ILDR1: variants seen among roughly 807,000 people sequenced by gnomAD.
ILDR1 encodes immunoglobulin-like domain-containing receptor 1.
ILDR1 carries 56 observed loss-of-function variants against 62.4 expected under a neutral mutation model. The observed-to-expected ratio is 0.90, with a 90% CI of 0.72 to 1.12. The LOEUF (loss-of-function observed/expected upper bound fraction) is 1.12, where lower values mean the gene tolerates loss of function less well. Among genes scored for constraint, ILDR1 ranks in the 50% most tolerant of loss-of-function variants. ILDR1 has a pLI of 0.00. For synonymous variants in ILDR1, 284 were observed against 277.8 expected (o/e 1.02, Z -0.22); for missense variants, 736 against 710.6 (o/e 1.04, Z -0.41).
chr3:122,036,129 T>C, the ILDR1 span, among the ~76,000 whole-genome samples: 1 of 152,244 alleles, frequency 6.6e-6, no homozygotes, highest in Non-Finnish European at 1.5e-5. Context: ...ATTTTGCTTC[T>C]GCCCTAAAGA....
At chr3:122,038,896 C>A in the ILDR1 span, among the ~76,000 whole-genome samples, 4 of 152,034 alleles carry the variant, frequency 2.6e-5, no homozygotes, top group African/African-American at 7.2e-5. Context: ...AGAAAGGGAA[C>A]TTCTGATCTG....
At chr3:121,991,095 G>A (rs1482332942) in intron 7 of ILDR1, among the ~76,000 whole-genome samples, 3 of 152,136 alleles carry the variant, frequency 2.0e-5, no homozygotes, top group African/African-American at 4.8e-5. Flanking sequence ...AGCTAATCAC[G>A]AGGCTGAGGC....
At chr3:121,994,096 G>A (rs1208321890) in intron 6 of ILDR1, 86 bp downstream of exon 6, 13 of 1,507,406 alleles carry the variant, frequency 8.6e-6, no homozygotes, top group Admixed American at 3.9e-5. Context: ...GATGCCTGCC[G>A]CATCGGTCAC....
At chr3:122,011,677 T>TTCACACACACACACACACACACACACA (rs139879742) in intron 1 of ILDR1, among the ~76,000 whole-genome samples, 3 of 133,236 alleles carry the variant, frequency 2.3e-5, no homozygotes, top group African/African-American at 8.9e-5. Flanking sequence ...TCTCTCTCTT[T>TTCACACACACACACACACACACACACA]CACACACACA....
At chr3:122,012,477 C>T (rs76893952) in intron 1 of ILDR1, among the ~76,000 whole-genome samples, 2,210 of 152,288 alleles carry the variant, frequency 0.015, 59 homozygotes, top group African/African-American at 0.051. Flanking sequence ...CAATCCCTAA[C>T]AGCTGAATGG....
the ILDR1 span, among the ~76,000 whole-genome samples, chr3:122,044,350 TTCA>T: frequency 8.3e-6 from 1 of 120,888 alleles, no homozygotes; most frequent in Admixed American, 8.1e-5. Context: ...TGCATCAATG[TTCA>T]TCAAGGATAT....
the ILDR1 span, among the ~76,000 whole-genome samples, chr3:122,059,544 A>G: frequency 5.9e-5 from 9 of 152,168 alleles, no homozygotes; most frequent in East Asian, 1.7e-3. Context: ...TCAAAAAAAA[A>G]AAAAAAAGAA....
chr3:122,007,051 C>A lies in ILDR1; in HGVS notation c.169G>T (p.Val57Leu). The A allele has an allele frequency of 6.2e-7, 1 of 1,614,042 alleles. No homozygotes were observed. Among genetic ancestry groups the A allele is most frequent in the Non-Finnish European group, 8.5e-7 (1 of 1,180,032 alleles). The change falls in exon 2 of 8, where the codon GTG becomes TTG. Residue 57 changes from valine (V) to leucine (L), a missense_variant. By Grantham distance (32) the Val-to-Leu change is conservative. Coordinates refer to ENST00000344209, the MANE Select transcript of ILDR1 (RefSeq NM_001199799.2). ...YTTSAQLQDVVVTWRFKSFCK... is the reference protein window; with the variant it reads ...YTTSAQLQDVLVTWRFKSFCK... The stretch of plus-strand genomic sequence containing the variant: ...AAGGACTTGAAGCGCCATGTCACCA[C>A]CACGTCCTGGAGCTGGGCAGAGGTG...
chr3:122,017,344 C>T (rs191641776), intron 1 of ILDR1, among the ~76,000 whole-genome samples: 21 of 151,632 alleles, frequency 1.4e-4, no homozygotes, highest in African/African-American at 4.4e-4. Flanking sequence ...CCACCGTGCC[C>T]GGCCAGAGTC....
chr3:122,019,051 T>C (rs529937085), intron 1 of ILDR1, among the ~76,000 whole-genome samples: 2 of 152,232 alleles, frequency 1.3e-5, no homozygotes, highest in South Asian at 2.1e-4. Flanking sequence ...AACACCACAC[T>C]GTGATGTTAA....
chr3:122,014,432 AT>A (rs201513577), intron 1 of ILDR1, among the ~76,000 whole-genome samples: 61 of 150,954 alleles, frequency 4.0e-4, no homozygotes, highest in East Asian at 3.5e-3. Flanking sequence ...ATGCAGATCT[AT>A]TTTTTTTTAG....
chr3:122,009,324 A>ACACACACACACACAC (rs2071667601), intron 1 of ILDR1, among the ~76,000 whole-genome samples: 1 of 137,812 alleles, frequency 7.3e-6, no homozygotes, highest in African/African-American at 2.7e-5. Context: ...CTCAATTTAA[A>ACACACACACACACAC]ACACACACAC....
At chr3:122,032,502 T>C in the ILDR1 span, among the ~76,000 whole-genome samples, 1 of 152,220 alleles carries the variant, frequency 6.6e-6, no homozygotes, top group Non-Finnish European at 1.5e-5. Flanking sequence ...GTAAAATTGT[T>C]TGGTCATAGG....
rs368487925 is a variant in ILDR1 at position 121,999,565 on chromosome 3, C to T, written c.646+1743G>A. ...AAGATCACATTGAAAGCAAGATCATCTGCTCCCTCTTCCCTTGCCCTAACT... is the reference window on the plus strand; with the variant it reads ...AAGATCACATTGAAAGCAAGATCATTTGCTCCCTCTTCCCTTGCCCTAACT... On this transcript the variant is annotated intron_variant, in intron 5 of 7. Coordinates refer to ENST00000344209, the MANE Select transcript of ILDR1 (RefSeq NM_001199799.2). Among the ~76,000 whole-genome samples, 83 of 152,344 alleles carry T rather than the reference C, an allele frequency of 5.4e-4. No individual in the cohort carries two copies. In the South Asian group the frequency reaches 0.016, roughly 29 times the overall value.
chr3:122,047,716 G>T, the ILDR1 span, among the ~76,000 whole-genome samples: 1 of 152,188 alleles, frequency 6.6e-6, no homozygotes, highest in East Asian at 1.9e-4. Context: ...CTCAGAAAGG[G>T]AACTCCCTGA....
chr3:122,052,605 G>A, the ILDR1 span, among the ~76,000 whole-genome samples: 1 of 152,128 alleles, frequency 6.6e-6, no homozygotes, highest in African/African-American at 2.4e-5. Flanking sequence ...ACGGAGCGTC[G>A]CTTCTTCGCC....
intron 1 of ILDR1, among the ~76,000 whole-genome samples, chr3:122,021,498 G>A (rs529493557): frequency 6.6e-6 from 1 of 152,206 alleles, no homozygotes; most frequent in Non-Finnish European, 1.5e-5. Flanking sequence ...ACTGGATACA[G>A]AGAAAGTAGA....
intron 5 of ILDR1, among the ~76,000 whole-genome samples, chr3:121,998,891 C>T (rs572555720): frequency 1.3e-5 from 2 of 152,322 alleles, no homozygotes; most frequent in Admixed American, 6.5e-5. Context: ...TGCAGACTCT[C>T]ACAAGTCAGA....
chr3:122,042,975 C>G, the ILDR1 span, among the ~76,000 whole-genome samples: 1 of 148,862 alleles, frequency 6.7e-6, no homozygotes, highest in Admixed American at 6.7e-5. Flanking sequence ...GTGTTTTGGA[C>G]ATGAAGTCCT....
Sources: gnomAD v4.1 joint callset for allele counts (sites outside exome capture counted in the v4.1 genomes callset) on GRCh38, gnomAD v4.1.1 for gene constraint, MANE v1.5 for transcripts, NCBI Gene and HGNC (gene_info 2026-07-23, HGNC 2026-07-21) for gene names.